The following SDK1 variants were observed in gnomAD, a reference collection of about 807,000 sequenced individuals.
SDK1 encodes protein sidekick-1.
In SDK1, 157 loss-of-function variants were observed where a neutral mutation model predicts 245.5. The ratio of observed to expected loss-of-function variants is 0.64; its 90% CI spans 0.56 to 0.73. The LOEUF (loss-of-function observed/expected upper bound fraction) is 0.73, where lower values mean the gene tolerates loss of function less well. SDK1 is among the 30% of genes least tolerant of loss of function. The pLI is 0.00. For missense variants in SDK1, 3,583 were observed against 3,002.3 expected, an observed-to-expected ratio of 1.19 and a Z score of -4.52; for synonymous variants, 1,647 against 1,278.5, an observed-to-expected ratio of 1.29 and a Z score of -6.15.
At chr7:3,617,798 C>G (rs1781815825) in intron 1 of SDK1, among the ~76,000 whole-genome samples, 2 of 152,188 alleles carry the variant, frequency 1.3e-5, no homozygotes, top group South Asian at 4.1e-4. Flanking sequence ...ATGACCTAAT[C>G]ATATCCTCAA....
intron 30 of SDK1, among the ~76,000 whole-genome samples, chr7:4,153,933 A>C (rs1431306656): frequency 6.6e-6 from 1 of 152,008 alleles, no homozygotes; most frequent in Non-Finnish European, 1.5e-5. Flanking sequence ...CTCTCACCTC[A>C]GCCTCCCACA....
intron 1 of SDK1, among the ~76,000 whole-genome samples, chr7:3,346,480 C>T (rs1346010302): frequency 1.3e-5 from 2 of 151,870 alleles, no homozygotes; most frequent in Non-Finnish European, 2.9e-5. Context: ...TTTCTGGTGC[C>T]CTTGTGGTAA....
rs1252967487 is a variant in SDK1 at position 3,416,682 on chromosome 7, GGAA to G, written c.298+114805_298+114807del. ...TGTGAACCTGGCCACCTTCAGGTCT[GGAA>G]GAAGAACATAGGAAGCCCTGCTGAC... On this transcript the variant is annotated intron_variant, in intron 1 of 44. Coordinates refer to ENST00000404826, the MANE Select transcript of SDK1 (RefSeq NM_152744.4). Among the ~76,000 whole-genome samples, 6 of 152,182 alleles carry G rather than the reference GGAA, an allele frequency of 3.9e-5. No individual in the cohort carries two copies. In the East Asian group the frequency reaches 1.2e-3, roughly 29 times the overall value.
chr7:3,860,110 C>T lies in SDK1; in HGVS notation c.847+38527C>T, dbSNP rs369875220. On this transcript the variant is annotated intron_variant, in intron 5 of 44. Transcript: ENST00000404826. ...AAGTTTTTTGTATTTTTAGTAGGGT[C>T]GGGGTTTCACCAAGTTAGCCAGGAT... Among the ~76,000 whole-genome samples the T allele has an allele frequency of 2.0e-4, 31 of 151,912 alleles. 1 individual carries two copies. In the East Asian group the frequency reaches 2.9e-3, roughly 14 times the overall value.
chr7:3,446,389 T>G (rs916919333), intron 1 of SDK1, among the ~76,000 whole-genome samples: 2 of 152,182 alleles, frequency 1.3e-5, no homozygotes, highest in African/African-American at 4.8e-5. Context: ...TTTTGCACTT[T>G]ATCATACAAT....
chr7:3,341,911 A>G (rs1780358328), intron 1 of SDK1, among the ~76,000 whole-genome samples: 1 of 152,224 alleles, frequency 6.6e-6, no homozygotes, highest in Non-Finnish European at 1.5e-5. Context: ...GATTTTTGGT[A>G]GATACATAAA....
intron 14 of SDK1, among the ~76,000 whole-genome samples, chr7:3,989,313 A>T (rs1241181037): frequency 6.6e-6 from 1 of 152,084 alleles, no homozygotes. Flanking sequence ...TAACCCTCAG[A>T]CCTCGTGAGA....
At chr7:3,410,333 T>G (rs568476140) in intron 1 of SDK1, among the ~76,000 whole-genome samples, 25 of 152,164 alleles carry the variant, frequency 1.6e-4, no homozygotes, top group Non-Finnish European at 2.4e-4. Flanking sequence ...GTAAGGTGTT[T>G]ATGAAACACC....
At chr7:3,342,991 G>A (rs886434374) in intron 1 of SDK1, among the ~76,000 whole-genome samples, 1 of 117,882 alleles carries the variant, frequency 8.5e-6, no homozygotes, top group African/African-American at 3.2e-5. Context: ...GAAAACTTCT[G>A]CTAAATGGCT....
At chr7:3,432,381 G>T (rs950800292) in intron 1 of SDK1, among the ~76,000 whole-genome samples, 12 of 151,960 alleles carry the variant, frequency 7.9e-5, no homozygotes, top group African/African-American at 2.4e-4. Context: ...GAATTTTGAT[G>T]TAGCAGTGTC....
intron 5 of SDK1, among the ~76,000 whole-genome samples, chr7:3,939,724 G>A (rs1201610297): frequency 6.6e-6 from 1 of 152,150 alleles, no homozygotes; most frequent in African/African-American, 2.4e-5. Flanking sequence ...TATCCCGGGA[G>A]CAGAGCCACA....
rs772833228 is a variant in SDK1, at chr7:3,672,452, G to A, written c.713+30347G>A. ...CAAACTCTTGAGGAAAAAAACAGAG[G>A]CATTAGCCAAAAGAGATAGGACATA... On this transcript the variant is annotated intron_variant, in intron 4 of 44. Coordinates refer to ENST00000404826, the MANE Select transcript of SDK1 (RefSeq NM_152744.4). Among the ~76,000 whole-genome samples the A allele has an allele frequency of 5.0e-4, 76 of 151,260 alleles. 1 individual carries two copies. The highest frequency in any genetic ancestry group is 1.9e-3 in the Admixed American group (28 of 15,128).
intron 28 of SDK1, among the ~76,000 whole-genome samples, chr7:4,134,167 A>T (rs1464859569): frequency 6.6e-6 from 1 of 152,200 alleles, no homozygotes; most frequent in African/African-American, 2.4e-5. Context: ...AGTCTTCTGC[A>T]CAAGGAGGCT....
intron 5 of SDK1, among the ~76,000 whole-genome samples, chr7:3,855,556 A>G (rs1780524806): frequency 6.6e-6 from 1 of 152,190 alleles, no homozygotes; most frequent in African/African-American, 2.4e-5. Context: ...TAGGAGAAAT[A>G]ATGTATGTAA....
intron 4 of SDK1, among the ~76,000 whole-genome samples, chr7:3,713,884 T>C (rs1172110132): frequency 6.6e-6 from 1 of 151,658 alleles, no homozygotes; most frequent in East Asian, 1.9e-4. Flanking sequence ...AAACCGAGAG[T>C]CAGGAATCAG....
chr7:4,174,948 C>T (rs768466674), intron 33 of SDK1, among the ~76,000 whole-genome samples: 3 of 152,228 alleles, frequency 2.0e-5, no homozygotes, highest in Non-Finnish European at 2.9e-5. Flanking sequence ...ACCCACCAAA[C>T]GGTGTCACAA....
intron 44 of SDK1, among the ~76,000 whole-genome samples, chr7:4,246,636 C>G (rs373912963): frequency 2.0e-5 from 3 of 152,266 alleles, no homozygotes; most frequent in East Asian, 1.9e-4. Context: ...CCCTCCCTTG[C>G]GCTGAAGAAG....
chr7:3,623,118 G>A (rs936833287), intron 2 of SDK1, among the ~76,000 whole-genome samples: 4 of 151,940 alleles, frequency 2.6e-5, no homozygotes, highest in Non-Finnish European at 4.4e-5. Flanking sequence ...TTTGGTGTCA[G>A]TTATGAAAAT....
In SDK1 at chr7:3,648,806, C is replaced by A. The variant is rs79076297; in HGVS notation, c.713+6701C>A. Among the ~76,000 whole-genome samples the A allele has an allele frequency of 3.4e-3, 514 of 152,224 alleles. 5 individuals are homozygous for A. The highest frequency in any genetic ancestry group is 0.012 in the African/African-American group (499 of 41,522). On this transcript the variant is annotated intron_variant, in intron 4 of 44. Coordinates refer to ENST00000404826, the MANE Select transcript of SDK1 (RefSeq NM_152744.4). ...CCATATTTGGTATAAGTAAAACAGA[C>A]GAGTAGATACGGGTTCCAGGCCTGC...
Sources: allele counts gnomAD v4.1 joint callset (sites outside exome capture counted in the v4.1 genomes callset), GRCh38; gene constraint gnomAD v4.1.1; transcripts MANE v1.5; gene names NCBI Gene and HGNC (gene_info 2026-07-23, HGNC 2026-07-21).